Variants in CFAP77 observed in about 807,000 individuals in gnomAD.
CFAP77 encodes cilia- and flagella-associated protein 77.
Under a neutral mutation model 31.1 loss-of-function variants are expected in CFAP77, and 25 were observed. The ratio of observed to expected loss-of-function variants is 0.80; its 90% CI spans 0.59 to 1.12. The LOEUF (loss-of-function observed/expected upper bound fraction) is 1.12. Ranked by LOEUF, CFAP77 falls within the 50% of genes most tolerant of loss-of-function variation. CFAP77 has a pLI of 0.00. For synonymous variants in CFAP77, 151 were observed against 159.9 expected (o/e 0.94, Z 0.42); for missense variants, 377 against 397.3 (o/e 0.95, Z 0.44).
At chr9:132,547,973 C>T (rs1489443168) in intron 5 of CFAP77, among the ~76,000 whole-genome samples, 7 of 152,132 alleles carry the variant, frequency 4.6e-5, no homozygotes, top group African/African-American at 1.2e-4. Context: ...ACAAAGCAGA[C>T]GGTACATCCT....
chr9:132,462,955 A>T (rs1426051397), intron 1 of CFAP77, among the ~76,000 whole-genome samples: 1 of 152,228 alleles, frequency 6.6e-6, no homozygotes, highest in Non-Finnish European at 1.5e-5. Flanking sequence ...AAGGCCTGGC[A>T]CATAGTGGAT....
chr9:132,470,941 G>A (rs1479102578), intron 1 of CFAP77, among the ~76,000 whole-genome samples: 2 of 152,208 alleles, frequency 1.3e-5, no homozygotes, highest in East Asian at 3.8e-4. Context: ...TCGGGCCACT[G>A]CACTCCAGCC....
At chr9:132,452,275 C>T (rs1217814177) in intron 1 of CFAP77, among the ~76,000 whole-genome samples, 1 of 152,212 alleles carries the variant, frequency 6.6e-6, no homozygotes, top group Non-Finnish European at 1.5e-5. Flanking sequence ...GTGCCTTGAC[C>T]AGAGCATCCA....
chr9:132,456,081 A>G (rs1451812330), intron 1 of CFAP77, among the ~76,000 whole-genome samples: 2 of 152,224 alleles, frequency 1.3e-5, no homozygotes, highest in African/African-American at 4.8e-5. Context: ...ATATTTTATG[A>G]AGCACCTGCT....
rs575001527 is a variant in CFAP77 at position 132,413,151 on chromosome 9, A to AT, written c.195+2693dup. 3.0e-4 allele frequency among the ~76,000 whole-genome samples: 46 copies of AT among 152,076 alleles called. 2 individuals carry two copies. The South Asian group carries it at 4.8e-3, about 16-fold the overall frequency. Reference sequence around the variant, plus strand: ...GTTTTCTCCAATGAATAGGATCAGCATTTTTTTTCATTTAAAATGTAGAAA... The same window carrying AT: ...GTTTTCTCCAATGAATAGGATCAGCATTTTTTTTTCATTTAAAATGTAGAAA... On this transcript the variant is annotated intron_variant, in intron 1 of 5. Transcript: ENST00000393216.
intron 5 of CFAP77, among the ~76,000 whole-genome samples, chr9:132,571,267 C>T (rs747331671): frequency 6.6e-6 from 1 of 152,138 alleles, no homozygotes; most frequent in Non-Finnish European, 1.5e-5. Context: ...CTCTACCTGG[C>T]CGCCGCATCC....
chr9:132,548,832 C>A (rs1852778227), intron 5 of CFAP77, among the ~76,000 whole-genome samples: 1 of 152,024 alleles, frequency 6.6e-6, no homozygotes, highest in South Asian at 2.1e-4. Flanking sequence ...TTTCATTTGG[C>A]TTTTGGTTTC....
intron 1 of CFAP77, among the ~76,000 whole-genome samples, chr9:132,435,421 C>T (rs1211804629): frequency 5.3e-5 from 8 of 152,210 alleles, no homozygotes; most frequent in East Asian, 1.9e-4. Context: ...TATCACCATG[C>T]GTAGCTTTAG....
At chr9:132,460,620 G>A (rs1246784451) in intron 1 of CFAP77, among the ~76,000 whole-genome samples, 2 of 152,180 alleles carry the variant, frequency 1.3e-5, no homozygotes, top group African/African-American at 4.8e-5. Context: ...GGAGATGGGG[G>A]TGTGAGGAGT....
At chr9:132,451,846 C>T (rs971439305) in intron 1 of CFAP77, among the ~76,000 whole-genome samples, 5 of 150,916 alleles carry the variant, frequency 3.3e-5, no homozygotes, top group Non-Finnish European at 5.9e-5. Flanking sequence ...ACTCTGTCGC[C>T]TAGGCTGGAG....
At chr9:132,429,918 C>G (rs1459553199) in intron 1 of CFAP77, among the ~76,000 whole-genome samples, 1 of 151,564 alleles carries the variant, frequency 6.6e-6, no homozygotes, top group Non-Finnish European at 1.5e-5. Flanking sequence ...CCATTGCTTT[C>G]TGCTTGGTGA....
chr9:132,475,427 C>T (rs1851334065), intron 1 of CFAP77, among the ~76,000 whole-genome samples: 1 of 152,186 alleles, frequency 6.6e-6, no homozygotes, highest in Non-Finnish European at 1.5e-5. Flanking sequence ...GGGAGCGTTA[C>T]AGAACCCAGG....
intron 1 of CFAP77, among the ~76,000 whole-genome samples, chr9:132,415,496 G>A (rs1337528513): frequency 6.6e-6 from 1 of 152,232 alleles, no homozygotes; most frequent in Non-Finnish European, 1.5e-5. Flanking sequence ...AAGAAGGTGT[G>A]CTTTGGCTTT....
chr9:132,567,720 G>A (rs182039240), intron 5 of CFAP77, among the ~76,000 whole-genome samples: 2 of 152,122 alleles, frequency 1.3e-5, no homozygotes, highest in African/African-American at 4.8e-5. Flanking sequence ...TCAAAGTGTC[G>A]TCAGGGCCAC....
intron 1 of CFAP77, among the ~76,000 whole-genome samples, chr9:132,444,970 C>CT: frequency 6.9e-6 from 1 of 144,108 alleles, no homozygotes; most frequent in African/African-American, 2.6e-5. Flanking sequence ...TATTTTCTTT[C>CT]TTTCTTTTTT....
intron 1 of CFAP77, among the ~76,000 whole-genome samples, chr9:132,429,975 G>T (rs569382231): frequency 6.6e-6 from 1 of 151,648 alleles, no homozygotes; most frequent in East Asian, 1.9e-4. Flanking sequence ...TAACCCAACT[G>T]CTTCCAAAGC....
At chr9:132,476,791 C>T (rs961352171) in intron 1 of CFAP77, among the ~76,000 whole-genome samples, 4 of 152,108 alleles carry the variant, frequency 2.6e-5, no homozygotes, top group Non-Finnish European at 5.9e-5. Context: ...CACCAGCAGC[C>T]GGGAGAGAGG....
intron 5 of CFAP77, among the ~76,000 whole-genome samples, chr9:132,571,207 A>G (rs1054933255): frequency 2.6e-5 from 4 of 152,144 alleles, no homozygotes; most frequent in African/African-American, 4.8e-5. Context: ...AACCCACTGC[A>G]GAGCCTTTGG....
At chr9:132,534,149 TGCA>T (rs1564243827) in intron 3 of CFAP77, among the ~76,000 whole-genome samples, 4 of 152,184 alleles carry the variant, frequency 2.6e-5, no homozygotes, top group Non-Finnish European at 5.9e-5. Context: ...GTTCAGCTGC[TGCA>T]GCATGACCCA....
Sources: allele counts gnomAD v4.1 joint callset (sites outside exome capture counted in the v4.1 genomes callset), GRCh38; gene constraint gnomAD v4.1.1; transcripts MANE v1.5; gene names NCBI Gene and HGNC (gene_info 2026-07-23, HGNC 2026-07-21).